NOX4: variants seen among roughly 807,000 people sequenced by gnomAD.
NOX4 encodes NADPH oxidase 4, also known as kidney oxidase-1.
Under a neutral mutation model 87.6 loss-of-function variants are expected in NOX4, and 69 were observed. The ratio of observed to expected loss-of-function variants is 0.79; its 90% CI spans 0.65 to 0.96. The LOEUF (loss-of-function observed/expected upper bound fraction) is 0.96, where lower values mean the gene tolerates loss of function less well. Ranked by LOEUF, NOX4 falls within the 40% of genes least tolerant of loss-of-function variation. The pLI is 0.00. For synonymous variants in NOX4, 275 were observed against 238.2 expected, an observed-to-expected ratio of 1.15 and a Z score of -1.42; for missense variants, 680 against 681.5, an observed-to-expected ratio of 1.00 and a Z score of 0.02.
At chr11:89,476,933 C>T (rs914916725) in intron 2 of NOX4, among the ~76,000 whole-genome samples, 11 of 151,864 alleles carry the variant, frequency 7.2e-5, no homozygotes, top group East Asian at 1.9e-4. Flanking sequence ...CATAAAACAC[C>T]GAAAAAAGGA....
intron 13 of NOX4, 43 bp from the exon 14 acceptor site, chr11:89,342,236 G>C (rs58561872): frequency 6.4e-7 from 1 of 1,573,828 alleles, no homozygotes; most frequent in Non-Finnish European, 8.7e-7. Context: ...ATGAAAATAA[G>C]TGAAATTAAT....
At chr11:89,447,722 G>C (rs1944766931) in intron 4 of NOX4, among the ~76,000 whole-genome samples, 1 of 152,094 alleles carries the variant, frequency 6.6e-6, no homozygotes, top group Admixed American at 6.6e-5. Context: ...AGAACAAATT[G>C]AGTCACGAAT....
intron 13 of NOX4, among the ~76,000 whole-genome samples, chr11:89,343,434 C>T (rs997297887): frequency 6.6e-6 from 1 of 151,660 alleles, no homozygotes; most frequent in Non-Finnish European, 1.5e-5. Context: ...TTTCAAGGCC[C>T]TTAGAGAATC....
chr11:89,532,652 A>G, the NOX4 span, among the ~76,000 whole-genome samples: 2 of 152,088 alleles, frequency 1.3e-5, no homozygotes, highest in Non-Finnish European at 2.9e-5. Flanking sequence ...GGAAGACACA[A>G]TTGTGTTTTA....
chr11:89,547,152 CCTA>C, the NOX4 span, among the ~76,000 whole-genome samples: 11 of 152,206 alleles, frequency 7.2e-5, no homozygotes, highest in Non-Finnish European at 1.6e-4. Context: ...CCAAATGACC[CCTA>C]CTACTGACTA....
At chr11:89,481,705 GT>G (rs1016548362) in intron 2 of NOX4, among the ~76,000 whole-genome samples, 1 of 152,084 alleles carries the variant, frequency 6.6e-6, no homozygotes. Context: ...CTGACCAGGA[GT>G]TAGAGGACCT....
At chr11:89,364,266 CTGTT>C (rs1384768849) in intron 12 of NOX4, among the ~76,000 whole-genome samples, 6 of 151,950 alleles carry the variant, frequency 3.9e-5, no homozygotes, top group Non-Finnish European at 7.4e-5. Flanking sequence ...TTCTCTCTCT[CTGTT>C]TGTGTGTATA....
chr11:89,516,658 T>C, the NOX4 span, among the ~76,000 whole-genome samples: 1 of 152,118 alleles, frequency 6.6e-6, no homozygotes, highest in Non-Finnish European at 1.5e-5. Context: ...GAGGGTCTTA[T>C]CTGCATGTAA....
chr11:89,508,939 A>G, the NOX4 span, among the ~76,000 whole-genome samples: 1 of 152,088 alleles, frequency 6.6e-6, no homozygotes, highest in Non-Finnish European at 1.5e-5. Flanking sequence ...GACTCAGCAC[A>G]GAGATTTTTT....
intron 2 of NOX4, among the ~76,000 whole-genome samples, chr11:89,486,893 C>G (rs1242408365): frequency 6.6e-6 from 1 of 151,812 alleles, no homozygotes; most frequent in African/African-American, 2.4e-5. Flanking sequence ...AGAGGAGGAG[C>G]AAGAGGACTA....
At chr11:89,378,998 A>C (rs1442132634) in intron 11 of NOX4, among the ~76,000 whole-genome samples, 1 of 152,238 alleles carries the variant, frequency 6.6e-6, no homozygotes, top group Non-Finnish European at 1.5e-5. Context: ...TATATTCAAT[A>C]TTAAAAAGAA....
At chr11:89,453,194 C>T (rs1434990801) in intron 2 of NOX4, among the ~76,000 whole-genome samples, 1 of 152,116 alleles carries the variant, frequency 6.6e-6, no homozygotes, top group East Asian at 1.9e-4. Flanking sequence ...AAACTTTGTA[C>T]ACTCTGTCCA....
the NOX4 span, among the ~76,000 whole-genome samples, chr11:89,565,976 A>G: frequency 6.6e-6 from 1 of 151,938 alleles, no homozygotes; most frequent in Non-Finnish European, 1.5e-5. Context: ...GGATTTGTGC[A>G]CTAATGATTT....
At chr11:89,555,264 G>C in the NOX4 span, among the ~76,000 whole-genome samples, 5 of 152,202 alleles carry the variant, frequency 3.3e-5, no homozygotes, top group East Asian at 9.7e-4. Flanking sequence ...CAGGAGGATT[G>C]CTTGAGCCTA....
At chr11:89,366,451 G>A (rs181675318) in intron 12 of NOX4, among the ~76,000 whole-genome samples, 1 of 152,124 alleles carries the variant, frequency 6.6e-6, no homozygotes, top group African/African-American at 2.4e-5. Flanking sequence ...GCCGAGGTGG[G>A]CTGATCGCTC....
chr11:89,410,961 C>T (rs1338702311), intron 8 of NOX4, among the ~76,000 whole-genome samples: 1 of 152,028 alleles, frequency 6.6e-6, no homozygotes, highest in African/African-American at 2.4e-5. Flanking sequence ...CTGGGAGAGA[C>T]CTCTTCCTTC....
At chr11:89,589,520 A>C in the NOX4 span, 1 of 152,214 alleles carries the variant, frequency 6.6e-6, no homozygotes, top group African/African-American at 2.4e-5. Flanking sequence ...GAGACGATGT[A>C]AAGGAGTAAC....
At chr11:89,497,847 T>A (rs976277926) in intron 1 of NOX4, 6 of 152,204 alleles carry the variant, frequency 3.9e-5, no homozygotes, top group African/African-American at 1.4e-4. Context: ...TCCTGACTTC[T>A]CTTCCAATAA....
chr11:89,396,620 G>A (rs947241110), intron 11 of NOX4, among the ~76,000 whole-genome samples: 32 of 151,996 alleles, frequency 2.1e-4, no homozygotes, highest in African/African-American at 7.5e-4. Flanking sequence ...AGGGAGGGAG[G>A]AAGATCTACC....
Sources: allele counts gnomAD v4.1 joint callset (sites outside exome capture counted in the v4.1 genomes callset), GRCh38; gene constraint gnomAD v4.1.1; transcripts MANE v1.5; gene names NCBI Gene and HGNC (gene_info 2026-07-23, HGNC 2026-07-21).